EIPR1: variants seen among roughly 807,000 people sequenced by gnomAD.
EIPR1 encodes EARP and GARP complex-interacting protein 1.
In EIPR1, 25 loss-of-function variants were observed where a neutral mutation model predicts 48.1. That is an observed-to-expected ratio of 0.52 (90% CI 0.38 to 0.73). The LOEUF is 0.73. EIPR1 is among the 30% of genes least tolerant of loss of function. The pLI is 0.00. For missense variants in EIPR1, 415 were observed against 506.2 expected (o/e 0.82, Z 1.73); for synonymous variants, 204 against 201.9 (o/e 1.01, Z -0.09).
At chr2:3,319,446 G>A (rs73913314) in intron 3 of EIPR1, 4,440 of 166,304 alleles carry the variant, frequency 0.027, 83 homozygotes, top group African/African-American at 0.036. Flanking sequence ...TCATCTTCAC[G>A]GTCATCTTCG....
intron 5 of EIPR1, among the ~76,000 whole-genome samples, chr2:3,201,417 C>G (rs1452686746): frequency 2.6e-5 from 4 of 152,230 alleles, no homozygotes; most frequent in African/African-American, 9.6e-5. Context: ...CTATTTCACT[C>G]CATCAGATTT....
At chr2:3,254,029 G>A (rs1667080882) in intron 4 of EIPR1, among the ~76,000 whole-genome samples, 1 of 152,150 alleles carries the variant, frequency 6.6e-6, no homozygotes, top group South Asian at 2.1e-4. Context: ...CAGAAGCTTT[G>A]TGCAGTAAAC....
intron 7 of EIPR1, among the ~76,000 whole-genome samples, chr2:3,193,211 G>A (rs1170199947): frequency 1.3e-5 from 2 of 152,244 alleles, no homozygotes; most frequent in East Asian, 3.9e-4. Flanking sequence ...CAGACCACAG[G>A]AAATTCCAGC....
intron 3 of EIPR1, among the ~76,000 whole-genome samples, chr2:3,302,711 C>T (rs1302119747): frequency 6.6e-6 from 1 of 152,354 alleles, no homozygotes. Flanking sequence ...ATCCTGGAAC[C>T]CCCGCCACCT....
intron 4 of EIPR1, among the ~76,000 whole-genome samples, chr2:3,241,248 G>T (rs1666615378): frequency 6.6e-6 from 1 of 152,220 alleles, no homozygotes; most frequent in African/African-American, 2.4e-5. Flanking sequence ...CCTCCGCAGA[G>T]CTGAGATGCA....
At chr2:3,200,743 C>G (rs921171470) in intron 5 of EIPR1, among the ~76,000 whole-genome samples, 1 of 152,064 alleles carries the variant, frequency 6.6e-6, no homozygotes, top group Non-Finnish European at 1.5e-5. Context: ...AACACCAGGC[C>G]AAGGCATCCG....
intron 1 of EIPR1, 145 bp from the exon 2 acceptor site, chr2:3,354,778 T>C (rs1252883850): frequency 2.5e-6 from 2 of 811,418 alleles, no homozygotes; most frequent in South Asian, 1.9e-5. Flanking sequence ...AATTTAGAAA[T>C]ATGTATTAAA....
intron 5 of EIPR1, 136 bp from the exon 6 acceptor site, chr2:3,197,153 T>A: frequency 9.3e-7 from 1 of 1,079,644 alleles, no homozygotes; most frequent in Non-Finnish European, 1.3e-6. Context: ...GGAAGCTCTG[T>A]CTTTGTTTCC....
At chr2:3,357,570 G>A (rs1004069865) in intron 1 of EIPR1, among the ~76,000 whole-genome samples, 14 of 152,160 alleles carry the variant, frequency 9.2e-5, no homozygotes, top group Non-Finnish European at 2.1e-4. Context: ...ATACACTGCT[G>A]AGTGTTCAAA....
intron 4 of EIPR1, among the ~76,000 whole-genome samples, chr2:3,223,090 GA>G (rs1052458827): frequency 2.0e-5 from 3 of 152,166 alleles, no homozygotes; most frequent in African/African-American, 7.2e-5. Context: ...TTCTTCACAG[GA>G]CCAGGACTGA....
intron 3 of EIPR1, among the ~76,000 whole-genome samples, chr2:3,271,561 T>A (rs563254177): frequency 1.3e-5 from 2 of 152,316 alleles, no homozygotes; most frequent in South Asian, 4.1e-4. Flanking sequence ...GGTGACTAGG[T>A]GCATTGCCAA....
intron 4 of EIPR1, among the ~76,000 whole-genome samples, chr2:3,247,605 G>GGTA (rs1361584182): frequency 6.6e-6 from 1 of 152,160 alleles, no homozygotes; most frequent in Non-Finnish European, 1.5e-5. Flanking sequence ...ACATGAGCTG[G>GGTA]GTAGGTGCAA....
intron 1 of EIPR1, among the ~76,000 whole-genome samples, chr2:3,369,480 G>C (rs963077852): frequency 3.9e-5 from 6 of 152,178 alleles, no homozygotes; most frequent in Non-Finnish European, 7.3e-5. Context: ...CCCTTTCCTG[G>C]TCAAGGAAAG....
chr2:3,208,781 A>C lies in EIPR1; in HGVS notation c.516+5368T>G, dbSNP rs1399176680. ...GCCCGTGGCGAGTCCTTCTTCCTTG[A>C]GTGAGGCTCGTGGCAGGTCCTCCTT... On this transcript the variant is annotated intron_variant, in intron 5 of 8. Coordinates refer to ENST00000382125, the MANE Select transcript of EIPR1 (RefSeq NM_003310.5). 4.5e-6 allele frequency: 7 copies of C among 1,547,408 alleles called. No homozygotes were observed. In the South Asian group the frequency reaches 4.8e-5, roughly 11 times the overall value.
chr2:3,337,763 C>T (rs769892288), intron 3 of EIPR1, among the ~76,000 whole-genome samples: 5 of 152,186 alleles, frequency 3.3e-5, no homozygotes, highest in Non-Finnish European at 2.9e-5. Context: ...GAAACTCCAG[C>T]ACTGTACTCC....
chr2:3,207,080 C>G (rs1364358194), intron 5 of EIPR1, among the ~76,000 whole-genome samples: 1 of 152,172 alleles, frequency 6.6e-6, no homozygotes, highest in Non-Finnish European at 1.5e-5. Context: ...GTAACCTTCA[C>G]CCACGGCCCA....
intron 7 of EIPR1, among the ~76,000 whole-genome samples, chr2:3,193,623 T>G (rs887859481): frequency 1.2e-4 from 18 of 152,220 alleles, no homozygotes; most frequent in African/African-American, 4.3e-4. Flanking sequence ...TCCCGACAGC[T>G]GCATCATCTC....
chr2:3,342,839 T>C (rs1311715779), intron 2 of EIPR1, among the ~76,000 whole-genome samples: 1 of 152,204 alleles, frequency 6.6e-6, no homozygotes, highest in Non-Finnish European at 1.5e-5. Context: ...TTCCCACATA[T>C]CCTTATTTTA....
chr2:3,322,568 G>A (rs62121549), intron 3 of EIPR1, among the ~76,000 whole-genome samples: 26,115 of 152,130 alleles, frequency 0.17, 2,443 homozygotes, highest in Non-Finnish European at 0.21. Context: ...AGTCTCCTAA[G>A]TTGCAATCCT....
Sources: allele counts gnomAD v4.1 joint callset (sites outside exome capture counted in the v4.1 genomes callset), GRCh38; gene constraint gnomAD v4.1.1; transcripts MANE v1.5; gene names NCBI Gene and HGNC (gene_info 2026-07-23, HGNC 2026-07-21).